The following ADCY9 variants were observed in gnomAD, a reference collection of about 807,000 sequenced individuals.
The protein encoded by ADCY9 is adenylate cyclase type 9.
In ADCY9, 50 loss-of-function variants were observed where a neutral mutation model predicts 101.5. The ratio of observed to expected loss-of-function variants is 0.49; its 90% CI spans 0.39 to 0.62. ADCY9 has a LOEUF of 0.62. ADCY9 is among the 20% of genes least tolerant of loss of function. The probability of loss-of-function intolerance (pLI) is 0.00; values close to 1 mark genes in which losing one functional copy is unlikely to be tolerated. For missense variants in ADCY9, 1,662 were observed against 1,800.4 expected, an observed-to-expected ratio of 0.92 and a Z score of 1.39; for synonymous variants, 905 against 769.3, an observed-to-expected ratio of 1.18 and a Z score of -2.92.
chr16:4,110,441 T>G (rs1228258489), intron 2 of ADCY9, among the ~76,000 whole-genome samples: 1 of 136,394 alleles, frequency 7.3e-6, no homozygotes, highest in Non-Finnish European at 1.5e-5. Context: ...CAGGCTGGAG[T>G]GCAGTGGACA....
intron 2 of ADCY9, among the ~76,000 whole-genome samples, chr16:4,090,246 C>A (rs1286067201): frequency 6.6e-6 from 1 of 152,094 alleles, no homozygotes. Flanking sequence ...TCCAACCTCA[C>A]CCAGTTGTTC....
At chr16:4,014,460 T>C (rs2056424576) in intron 2 of ADCY9, among the ~76,000 whole-genome samples, 1 of 152,106 alleles carries the variant, frequency 6.6e-6, no homozygotes, top group Non-Finnish European at 1.5e-5. Context: ...TTTTTTGTTT[T>C]TTTTTGAGAC....
chr16:4,084,495 G>T (rs1006430683), intron 2 of ADCY9, among the ~76,000 whole-genome samples: 2 of 152,070 alleles, frequency 1.3e-5, no homozygotes, highest in Admixed American at 1.3e-4. Flanking sequence ...GGAGGCCAAG[G>T]TGGGGGTATT....
rs779598125 is a variant in ADCY9 at position 4,115,349 on chromosome 16, T to A, written c.94A>T (p.Ile32Phe). Residue 32 changes from isoleucine to phenylalanine, a missense_variant, in exon 2 of 11, where the codon ATC (isoleucine) becomes TTC (phenylalanine). Transcript: ENST00000294016. The surrounding 1 kb of genome is among the most constrained non-coding windows in gnomAD (Gnocchi z 6.2). ...TTGGAGGACAGCTGCTTGGGGTTGATCTTGACGCGCACGCTGTTGCTGTCC... is the reference window on the plus strand; with the variant it reads ...TTGGAGGACAGCTGCTTGGGGTTGAACTTGACGCGCACGCTGTTGCTGTCC... Reference protein sequence around the residue: ...SGDSNSVRVKINPKQLSSNSH... With the variant: ...SGDSNSVRVKFNPKQLSSNSH... 5.0e-6 allele frequency: 8 copies of A among 1,612,724 alleles called. No homozygotes were observed. Among genetic ancestry groups the A allele is most frequent in the Non-Finnish European group, 6.8e-6 (8 of 1,179,576 alleles).
chr16:4,014,779 T>TTC (rs113817433), intron 2 of ADCY9, among the ~76,000 whole-genome samples: 141,911 of 149,382 alleles, frequency 0.95, 67,787 homozygotes, highest in East Asian at 1. Context: ...TGTGCACGCA[T>TTC]TCTCTCTCTC....
intron 2 of ADCY9, among the ~76,000 whole-genome samples, chr16:4,065,864 C>T (rs950296067): frequency 4.0e-5 from 6 of 151,198 alleles, no homozygotes; most frequent in African/African-American, 1.5e-4. Context: ...CTGCCACACC[C>T]GGCTCAGTTT....
At chr16:4,086,319 A>G (rs1188640449) in intron 2 of ADCY9, among the ~76,000 whole-genome samples, 1 of 152,160 alleles carries the variant, frequency 6.6e-6, no homozygotes, top group African/African-American at 2.4e-5. Context: ...AGAATCAGCC[A>G]CATGCCATGT....
intron 2 of ADCY9, among the ~76,000 whole-genome samples, chr16:4,068,642 G>A (rs889526729): frequency 6.6e-6 from 1 of 151,756 alleles, no homozygotes; most frequent in African/African-American, 2.4e-5. Context: ...GTGAAACCCC[G>A]TCTCTACTAA....
chr16:3,979,418 T>G (rs1597140591), intron 7 of ADCY9, 143 bp from the exon 8 acceptor site: 1 of 958,908 alleles, frequency 1.0e-6, no homozygotes, highest in Non-Finnish European at 1.5e-6. Flanking sequence ...AGGCGTGGGG[T>G]GGGAGTCTAC....
intron 2 of ADCY9, among the ~76,000 whole-genome samples, chr16:4,061,694 C>G (rs4786458): frequency 1.3e-5 from 2 of 152,028 alleles, no homozygotes; most frequent in African/African-American, 4.8e-5. Flanking sequence ...CTGGCAGACC[C>G]TACTTACAAG....
chr16:3,993,460 G>A lies in ADCY9; in HGVS notation c.1935C>T (p.Ala645=), dbSNP rs767837445. Reference sequence around the variant, plus strand: ...AGCCGTTTTGAGGTGCTCCTCCCTCGGCGCCGGCTTCAGATTTGGGAGCAA... The same window carrying A: ...AGCCGTTTTGAGGTGCTCCTCCCTCAGCGCCGGCTTCAGATTTGGGAGCAA... ...ITFAPKSEAG[A]EGGAPQNGCQ... The change falls in exon 4 of 11, where the codon GCC becomes GCT. Residue 645 remains alanine (A), a synonymous_variant. Transcript: ENST00000294016. The A allele has an allele frequency of 6.3e-5, 102 of 1,614,178 alleles. No homozygotes were observed. The highest frequency in any genetic ancestry group is 8.9e-5 in the East Asian group (4 of 44,882).
In ADCY9 at chr16:4,115,598, A is replaced by T. The variant is rs2057145994; in HGVS notation, c.-44+92T>A. 7 of 880,424 alleles carry T rather than the reference A, an allele frequency of 8.0e-6. No individual in the cohort carries two copies. The highest frequency in any genetic ancestry group is 3.6e-4 in the Middle Eastern group (1 of 2,800). The allele number at this position is 880,424 out of a possible 1,614,324, so 54.5% of individuals were successfully genotyped here. A position where few individuals can be genotyped will look rare whatever the true frequency, so the allele number is the denominator to read the frequency against. Reference sequence around the variant, plus strand: ...GCTCCAGCACGCGACCTGGACAGGCACCATCTGTTCCTGTGGTTCCCGGCT... The same window carrying T: ...GCTCCAGCACGCGACCTGGACAGGCTCCATCTGTTCCTGTGGTTCCCGGCT... On this transcript the variant is annotated intron_variant, in intron 1 of 10. Coordinates refer to ENST00000294016, the MANE Select transcript of ADCY9 (RefSeq NM_001116.4). The surrounding 1 kb of genome is among the most constrained non-coding windows in gnomAD (Gnocchi z 6.2).
chr16:4,111,819 TA>T lies in ADCY9; in HGVS notation c.1693+1930del, dbSNP rs61320659. Among the ~76,000 whole-genome samples, 984 of 140,624 alleles carry T rather than the reference TA, an allele frequency of 7.0e-3. 8 individuals are homozygous for T. Among genetic ancestry groups the T allele is most frequent in the African/African-American group, 0.021 (810 of 38,890 alleles). The allele number at this position is 140,624 out of a possible 152,430, so 92.3% of individuals were successfully genotyped here. A position where few individuals can be genotyped will look rare whatever the true frequency, so the allele number is the denominator to read the frequency against. ...TACCAAATTTACACTATTTGAGGTT[TA>T]AAAAAAAAAAAACACAAACTCACTC... is the stretch of plus-strand genomic sequence containing the variant. On this transcript the variant is annotated intron_variant, in intron 2 of 10. Coordinates refer to ENST00000294016, the MANE Select transcript of ADCY9 (RefSeq NM_001116.4).
intron 2 of ADCY9, among the ~76,000 whole-genome samples, chr16:4,083,259 T>G (rs1350064203): frequency 6.6e-6 from 1 of 152,016 alleles, no homozygotes; most frequent in Non-Finnish European, 1.5e-5. Context: ...ACATAAAGTC[T>G]TTTTTTTAGA....
At chr16:3,977,154 C>A (rs1017939689) in intron 9 of ADCY9, among the ~76,000 whole-genome samples, 5 of 152,218 alleles carry the variant, frequency 3.3e-5, no homozygotes, top group Admixed American at 2.0e-4. Context: ...CTATGAAATC[C>A]TTCAGGTCCT....
At chr16:4,092,813 G>A (rs1017007474) in intron 2 of ADCY9, among the ~76,000 whole-genome samples, 2 of 152,178 alleles carry the variant, frequency 1.3e-5, no homozygotes, top group Admixed American at 6.5e-5. Flanking sequence ...CAGGCTGAAC[G>A]AGCTTAATTA....
rs60693958 is a variant in ADCY9, at chr16:4,017,643, CA to C, written c.1694-10086del. On this transcript the variant is annotated intron_variant, in intron 2 of 10. Transcript: ENST00000294016. ...TGGGCAGCAGAGTGAAACTCCTTCT[CA>C]AAAAAAAAAAAAAAAAGATAATGTG... Among the ~76,000 whole-genome samples, 332 of 87,248 alleles carry C rather than the reference CA, an allele frequency of 3.8e-3. 1 individual carries two copies. The highest frequency in any genetic ancestry group is 7.1e-3 in the African/African-American group (180 of 25,472). 57.2% of individuals were successfully genotyped at this position (87,248 alleles called of 152,430 possible).
In ADCY9 at chr16:4,114,312, T is replaced by A; in HGVS notation, c.1131A>T (p.Lys377Asn). Reference protein sequence around the residue: ...KNRKKKSSIQKAPIAFRPFKM... With the variant: ...KNRKKKSSIQNAPIAFRPFKM... ...TAAAAGGGCGGAAGGCTATAGGAGC[T>A]TTTTGGATGGAAGACTTTTTCTTCC... Residue 377 changes from lysine (K) to asparagine (N), a missense_variant, in exon 2 of 11, where the codon AAA becomes AAT. Lys to Asn is a moderately conservative substitution (Grantham distance 94). Around this residue, in one of 5 missense-constraint regions of ADCY9, gnomAD observed 228 missense variants for 301.1 expected, o/e 0.76. Coordinates refer to ENST00000294016, the MANE Select transcript of ADCY9 (RefSeq NM_001116.4). The surrounding 1 kb of genome is among the most constrained non-coding windows in gnomAD (Gnocchi z 4.3). 1 of 1,613,922 alleles carries A rather than the reference T, an allele frequency of 6.2e-7. No homozygotes were observed. Among genetic ancestry groups the A allele is most frequent in the Non-Finnish European group, 8.5e-7 (1 of 1,180,032 alleles).
intron 6 of ADCY9, among the ~76,000 whole-genome samples, chr16:3,987,503 G>T (rs1257358008): frequency 6.6e-6 from 1 of 152,198 alleles, no homozygotes; most frequent in Non-Finnish European, 1.5e-5. Context: ...GGTAAAAGGA[G>T]GATAATCATC....
Sources: allele counts gnomAD v4.1 joint callset (sites outside exome capture counted in the v4.1 genomes callset), GRCh38; gene constraint gnomAD v4.1.1; regional missense constraint gnomAD v4.1.1; non-coding constraint Gnocchi (gnomAD v3.1); transcripts MANE v1.5; gene names NCBI Gene and HGNC (gene_info 2026-07-23, HGNC 2026-07-21).